The following MARCHF6 variants were observed in gnomAD, a reference collection of about 807,000 sequenced individuals.
The protein encoded by MARCHF6 is E3 ubiquitin-protein ligase MARCHF6.
Under a neutral mutation model 133.7 loss-of-function variants are expected in MARCHF6, and 31 were observed. The observed-to-expected ratio is 0.23, with a 90% CI of 0.17 to 0.31. The LOEUF (loss-of-function observed/expected upper bound fraction) is 0.31. MARCHF6 is among the 10% of genes least tolerant of loss of function. The probability of loss-of-function intolerance (pLI) is 1.00; values close to 1 mark genes in which losing one functional copy is unlikely to be tolerated. For missense variants in MARCHF6, 723 were observed against 1,121.6 expected (o/e 0.64, Z 5.08); for synonymous variants, 395 against 402.5 (o/e 0.98, Z 0.22).
rs539495844 is a variant in MARCHF6, at chr5:10,354,989, T to C, written c.19+1072T>C. ...TTTAATAAATACCTCAACTATAACATGTGGCACTTGATGTACATTCGCGTT... is the reference window on the plus strand; with the variant it reads ...TTTAATAAATACCTCAACTATAACACGTGGCACTTGATGTACATTCGCGTT... On this transcript the variant is annotated intron_variant, in intron 1 of 25. Transcript: ENST00000274140. 2.9e-3 allele frequency among the ~76,000 whole-genome samples: 445 copies of C among 152,294 alleles called. 4 individuals are homozygous for C. The highest frequency in any genetic ancestry group is 0.01 in the African/African-American group (423 of 41,552).
chr5:10,355,353 A>G (rs911084560), intron 1 of MARCHF6, among the ~76,000 whole-genome samples: 1 of 152,202 alleles, frequency 6.6e-6, no homozygotes, highest in Non-Finnish European at 1.5e-5. Flanking sequence ...GGTTTTAATG[A>G]GTAAATCTAG....
Position 10,370,645 on chromosome 5 carries a change from T to C in MARCHF6, c.20-7153T>C, listed in dbSNP as rs1275174231. ...TGATTTTTTTTCAAACCATTTTCTTTCTTTTTTTTAACTAACCCAGCACAA... is the reference window on the plus strand; with the variant it reads ...TGATTTTTTTTCAAACCATTTTCTTCCTTTTTTTTAACTAACCCAGCACAA... On this transcript the variant is annotated intron_variant, in intron 1 of 25. Transcript: ENST00000274140. Among the ~76,000 whole-genome samples the C allele has an allele frequency of 2.6e-5, 4 of 152,274 alleles. No homozygotes were observed. The East Asian group carries it at 5.8e-4, about 22-fold the overall frequency.
chr5:10,401,205 A>T (rs915929963), intron 11 of MARCHF6: 13 of 181,176 alleles, frequency 7.2e-5, no homozygotes, highest in Admixed American at 4.0e-4. Flanking sequence ...CAATCAATTT[A>T]AAAAGGGTAG....
At chr5:10,369,537 A>G (rs1404742605) in intron 1 of MARCHF6, among the ~76,000 whole-genome samples, 4 of 152,066 alleles carry the variant, frequency 2.6e-5, no homozygotes, top group African/African-American at 9.6e-5. Flanking sequence ...ACCTTATTTA[A>G]TATCTATTTT....
chr5:10,375,217 C>T (rs1055980751), intron 1 of MARCHF6, among the ~76,000 whole-genome samples: 2 of 152,172 alleles, frequency 1.3e-5, no homozygotes, highest in East Asian at 3.9e-4. Flanking sequence ...GCTGGAGTTC[C>T]GGGTGGGCAT....
At chr5:10,391,440 T>TTTG (rs1737827260) in intron 6 of MARCHF6, 102 bp from the exon 7 acceptor site, 1 of 389,306 alleles carries the variant, frequency 2.6e-6, no homozygotes, top group South Asian at 5.7e-5. Flanking sequence ...GCCTAGGTTT[T>TTTG]TTTTTTTTTT....
intron 1 of MARCHF6, among the ~76,000 whole-genome samples, chr5:10,368,132 C>G (rs1361155876): frequency 1.3e-5 from 2 of 152,112 alleles, no homozygotes; most frequent in Non-Finnish European, 2.9e-5. Context: ...TAGCCTTGGC[C>G]TTGTTACTCT....
Position 10,402,585 on chromosome 5 carries a change from G to T in MARCHF6, c.1175G>T (p.Trp392Leu). Residue 392 changes from tryptophan (W) to leucine (L), a missense_variant, in exon 14 of 26, where the codon TGG becomes TTG. Around this residue, in one of 4 missense-constraint regions of MARCHF6, gnomAD observed 492 missense variants for 699.5 expected, o/e 0.70. Coordinates refer to ENST00000274140, the MANE Select transcript of MARCHF6 (RefSeq NM_005885.4). ...GGAGTATTCCCTCTCATTTGTGGTTGGTGGCTGGATATCTGTTCCTTGGTA... is the reference window on the plus strand; with the variant it reads ...GGAGTATTCCCTCTCATTTGTGGTTTGTGGCTGGATATCTGTTCCTTGGTA... ...EIGVFPLICG[W>L]WLDICSLEMF... 3 of 1,613,678 alleles carry T rather than the reference G, an allele frequency of 1.9e-6. No homozygotes were observed. The highest frequency in any genetic ancestry group is 2.5e-6 in the Non-Finnish European group (3 of 1,179,674).
intron 1 of MARCHF6, among the ~76,000 whole-genome samples, chr5:10,361,803 G>A (rs1735845366): frequency 6.6e-6 from 1 of 151,222 alleles, no homozygotes; most frequent in African/African-American, 2.4e-5. Context: ...AGCTCTTGTT[G>A]CCTAGGCTGC....
chr5:10,409,410 A>G (rs1207960474), intron 17 of MARCHF6, among the ~76,000 whole-genome samples: 1 of 152,218 alleles, frequency 6.6e-6, no homozygotes, highest in Non-Finnish European at 1.5e-5. Flanking sequence ...AAGGCAGAAT[A>G]TTCTTGCAGA....
intron 1 of MARCHF6, among the ~76,000 whole-genome samples, chr5:10,364,073 T>C (rs1444944687): frequency 6.6e-6 from 1 of 152,242 alleles, no homozygotes; most frequent in African/African-American, 2.4e-5. Context: ...TTGAAGTCTT[T>C]AAATTGGTGA....
chr5:10,393,903 A>G (rs1156802033), intron 7 of MARCHF6, among the ~76,000 whole-genome samples, 179 bp from the exon 8 acceptor site: 1 of 152,102 alleles, frequency 6.6e-6, no homozygotes, highest in Non-Finnish European at 1.5e-5. Context: ...ATTTATTTAT[A>G]TGTATGTTTT....
intron 4 of MARCHF6, among the ~76,000 whole-genome samples, 154 bp downstream of exon 4, chr5:10,382,097 A>G (rs762346029): frequency 5.3e-5 from 8 of 152,252 alleles, no homozygotes; most frequent in African/African-American, 7.2e-5. Flanking sequence ...GAAGATGTTC[A>G]TCGGAACTAA....
chr5:10,377,766 A>G lies in MARCHF6; in HGVS notation c.20-32A>G. 3 of 1,487,984 alleles carry G rather than the reference A, an allele frequency of 2.0e-6. No homozygotes were observed. In the East Asian group the frequency reaches 6.8e-5, roughly 34 times the overall value. The allele number at this position is 1,487,984 out of a possible 1,614,324, so 92.2% of individuals were successfully genotyped here. A position where few individuals can be genotyped will look rare whatever the true frequency, so the allele number is the denominator to read the frequency against. On this transcript the variant is annotated intron_variant, in intron 1 of 25. Transcript: ENST00000274140. ...TGCTTTTTTAAAAAAGTTATAACCA[A>G]AGGAAATTCAATTTTCCTTTTTCAT...
In MARCHF6 at chr5:10,410,071, G is replaced by A. The variant is rs922440445; in HGVS notation, c.1554-68G>A. 38 of 1,498,024 alleles carry A rather than the reference G, an allele frequency of 2.5e-5. No homozygotes were observed. In the Middle Eastern group the frequency reaches 8.3e-4, roughly 33 times the overall value. The allele number at this position is 1,498,024 out of a possible 1,614,324, so 92.8% of individuals were successfully genotyped here. ...GTTTATTAGATTCTTAAGAAGTTGC[G>A]TTGTAATCCCATTAAATAGTAGTCA... On this transcript the variant is annotated intron_variant, in intron 17 of 25. Coordinates refer to ENST00000274140, the MANE Select transcript of MARCHF6 (RefSeq NM_005885.4).
chr5:10,389,853 G>A (rs1737714033), intron 5 of MARCHF6, among the ~76,000 whole-genome samples: 1 of 152,174 alleles, frequency 6.6e-6, no homozygotes, highest in South Asian at 2.1e-4. Context: ...ATTAATTTGT[G>A]TGGGTTCAGG....
chr5:10,359,863 G>C lies in MARCHF6; in HGVS notation c.19+5946G>C, dbSNP rs1036403441. On this transcript the variant is annotated intron_variant, in intron 1 of 25. Coordinates refer to ENST00000274140, the MANE Select transcript of MARCHF6 (RefSeq NM_005885.4). ...CTACTAAAAATAGAAAAAATTAGCT[G>C]GATGTGGTGGCGGGTGCCTGTAATC... 2.0e-5 allele frequency among the ~76,000 whole-genome samples: 3 copies of C among 152,146 alleles called. No homozygotes were observed. In the South Asian group the frequency reaches 6.2e-4, roughly 32 times the overall value.
chr5:10,379,438 A>T (rs1004495592), intron 3 of MARCHF6, among the ~76,000 whole-genome samples: 1 of 147,160 alleles, frequency 6.8e-6, no homozygotes, highest in African/African-American at 2.5e-5. Context: ...TATAGGTTAG[A>T]ATAATAGTCA....
intron 6 of MARCHF6, among the ~76,000 whole-genome samples, 200 bp downstream of exon 6, chr5:10,390,700 A>T (rs1737774337): frequency 6.6e-6 from 1 of 152,138 alleles, no homozygotes; most frequent in African/African-American, 2.4e-5. Context: ...TTGCCTCTTA[A>T]TTTTCTAGTT....
Sources: gnomAD v4.1 joint callset for allele counts (sites outside exome capture counted in the v4.1 genomes callset) on GRCh38, gnomAD v4.1.1 for gene constraint, gnomAD v4.1.1 regional missense constraint, MANE v1.5 for transcripts, NCBI Gene and HGNC (gene_info 2026-07-23, HGNC 2026-07-21) for gene names.